Variants in AP3D1 observed in about 807,000 individuals in gnomAD.
AP3D1 encodes the protein AP-3 complex subunit delta-1.
In AP3D1, 51 loss-of-function variants were observed where a neutral mutation model predicts 147.6. The observed-to-expected ratio is 0.35, with a 90% CI of 0.28 to 0.44. The LOEUF (loss-of-function observed/expected upper bound fraction) is 0.44. Ranked by LOEUF, AP3D1 falls within the 20% of genes least tolerant of loss-of-function variation. The pLI is 1.00. For missense variants in AP3D1, 1,421 were observed against 1,624.2 expected (o/e 0.87, Z 2.15); for synonymous variants, 760 against 663.0 (o/e 1.15, Z -2.25).
At position 2,132,424 on chromosome 19, in the gene AP3D1, T is replaced by C. The variant is rs759265283; in HGVS notation, c.462+47A>G. On this transcript the variant is annotated intron_variant, in intron 5 of 31. Transcript: ENST00000643116. ...CAGGCATGCCACTTTGACCGAGTTT[T>C]TCCCAGAGCAGACATGCAGGGGTGG... The C allele has an allele frequency of 1.3e-5, 20 of 1,539,488 alleles. No homozygotes were observed. The East Asian group carries it at 3.9e-4, about 30-fold the overall frequency.
At chr19:2,115,667 A>G in intron 18 of AP3D1, 54 bp from the exon 19 acceptor site, 1 of 1,563,448 alleles carries the variant, frequency 6.4e-7, no homozygotes, top group South Asian at 1.1e-5. Context: ...ACACACGTGC[A>G]AGACAAGCCT....
At chr19:2,121,487 G>A (rs1393965533) in intron 12 of AP3D1, among the ~76,000 whole-genome samples, 176 bp from the exon 13 acceptor site, 1 of 152,132 alleles carries the variant, frequency 6.6e-6, no homozygotes, top group East Asian at 1.9e-4. Flanking sequence ...AGAGGCACAC[G>A]ACCCCAGCCA....
Position 2,102,118 on chromosome 19 carries a change from G to A in AP3D1, c.*55C>T. On this transcript the variant is annotated 3_prime_UTR_variant, in exon 32 of 32. Transcript: ENST00000643116. ...CTGAGGAGAGGCGAGACACGTCAGG[G>A]CTGCGGTCCCTGGGTACGTGCTCCG... The A allele has an allele frequency of 7.0e-7, 1 of 1,423,952 alleles. No individual in the cohort carries two copies. Among genetic ancestry groups the A allele is most frequent in the Non-Finnish European group, 9.9e-7 (1 of 1,012,178 alleles). 88.2% of individuals were successfully genotyped at this position (1,423,952 alleles called of 1,614,324 possible). A position where few individuals can be genotyped will look rare whatever the true frequency, so the allele number is the denominator to read the frequency against.
upstream of AP3D1, among the ~76,000 whole-genome samples, chr19:2,155,995 G>A (rs1463725371): frequency 6.6e-6 from 1 of 150,998 alleles, no homozygotes; most frequent in Non-Finnish European, 1.5e-5. Flanking sequence ...GGAGCTTGCA[G>A]TGAGCCACGA....
At chr19:2,130,083 A>G (rs2018894401) in intron 6 of AP3D1, among the ~76,000 whole-genome samples, 1 of 152,186 alleles carries the variant, frequency 6.6e-6, no homozygotes, top group South Asian at 2.1e-4. Context: ...CACGGGACAT[A>G]TGGTCTAGAC....
chr19:2,152,167 G>A (rs1361757751), upstream of AP3D1, among the ~76,000 whole-genome samples: 1 of 152,236 alleles, frequency 6.6e-6, no homozygotes. Context: ...GGCATGGTAA[G>A]GGGTGCTGGG....
chr19:2,153,604 G>C (rs1321183924), upstream of AP3D1, among the ~76,000 whole-genome samples: 1 of 151,944 alleles, frequency 6.6e-6, no homozygotes, highest in Non-Finnish European at 1.5e-5. Flanking sequence ...CCGCCCAGGG[G>C]GCGGAGGTTG....
chr19:2,123,763 C>T, intron 10 of AP3D1, 67 bp downstream of exon 10: 2 of 1,533,760 alleles, frequency 1.3e-6, no homozygotes, highest in Non-Finnish European at 1.8e-6. Flanking sequence ...GGGCAAGCTC[C>T]CGCCTGTGGA....
At chr19:2,114,572 G>A (rs577166991) in intron 21 of AP3D1, among the ~76,000 whole-genome samples, 176 bp downstream of exon 21, 1 of 152,330 alleles carries the variant, frequency 6.6e-6, no homozygotes, top group Non-Finnish European at 1.5e-5. Flanking sequence ...AAGAGTCTTG[G>A]TTGGGAGGGC....
chr19:2,142,175 G>A (rs528604280), intron 1 of AP3D1, among the ~76,000 whole-genome samples: 4 of 151,944 alleles, frequency 2.6e-5, no homozygotes, highest in East Asian at 1.9e-4. Flanking sequence ...GTACTACCAC[G>A]CCTGGCTAAT....
At chr19:2,107,259 CAAA>C (rs112132801) in intron 31 of AP3D1, among the ~76,000 whole-genome samples, 1 of 121,182 alleles carries the variant, frequency 8.3e-6, no homozygotes, top group Admixed American at 8.8e-5. Context: ...GACTCCATCT[CAAA>C]AAAAAAAAAA....
chr19:2,131,667 CGCGGGG>C (rs2018950199), intron 5 of AP3D1, among the ~76,000 whole-genome samples: 1 of 86,614 alleles, frequency 1.2e-5, no homozygotes, highest in African/African-American at 3.8e-5. Context: ...CAGGCAGCCA[CGCGGGG>C]ACTGCGCCCA....
At position 2,115,529 on chromosome 19, in the gene AP3D1, G is replaced by C; in HGVS notation, c.2149+9C>G. 6.2e-7 allele frequency: 1 copy of C among 1,612,886 alleles called. No homozygotes were observed. The highest frequency in any genetic ancestry group is 8.5e-7 in the Non-Finnish European group (1 of 1,179,636). ...ACAAATGCGGCGCCGACACACCGGAGACACTTGCCTGGAACCTTCAAGGGG... is the reference window on the plus strand; with the variant it reads ...ACAAATGCGGCGCCGACACACCGGACACACTTGCCTGGAACCTTCAAGGGG... On this transcript the variant is annotated intron_variant, in intron 19 of 31. Coordinates refer to ENST00000643116, the MANE Select transcript of AP3D1 (RefSeq NM_001261826.3).
chr19:2,139,512 AG>A (rs1180561533), intron 1 of AP3D1, among the ~76,000 whole-genome samples: 5 of 152,188 alleles, frequency 3.3e-5, no homozygotes, highest in African/African-American at 1.2e-4. Flanking sequence ...ATGGCAGACA[AG>A]GTTCCCAAGG....
chr19:2,109,258 T>C (rs1466745426), intron 29 of AP3D1, 51 bp from the exon 30 acceptor site: 2 of 1,518,576 alleles, frequency 1.3e-6, no homozygotes, highest in Non-Finnish European at 1.8e-6. Flanking sequence ...CTCCTCAGGC[T>C]TCCTGGCACA....
At position 2,102,734 on chromosome 19, in the gene AP3D1, A is replaced by C. The variant is rs1163754903; in HGVS notation, c.3553-466T>G. ...CACAGCGAGACTGTCTCAAAAAATAAATAAATAAATAAATAAATAAATAAA... is the reference window on the plus strand; with the variant it reads ...CACAGCGAGACTGTCTCAAAAAATACATAAATAAATAAATAAATAAATAAA... On this transcript the variant is annotated intron_variant, in intron 31 of 31. Coordinates refer to ENST00000643116, the MANE Select transcript of AP3D1 (RefSeq NM_001261826.3). 2.3e-4 allele frequency among the ~76,000 whole-genome samples: 4 copies of C among 17,540 alleles called. 1 individual carries two copies. The highest frequency in any genetic ancestry group is 6.3e-4 in the African/African-American group (4 of 6,354). The allele number at this position is 17,540 out of a possible 152,430, so 11.5% of individuals were successfully genotyped here.
intron 29 of AP3D1, chr19:2,109,604 C>T: frequency 1.9e-6 from 1 of 521,946 alleles, no homozygotes; most frequent in Non-Finnish European, 3.5e-6. Flanking sequence ...GCCTGCCCTG[C>T]TGGCTCCTTG....
chr19:2,121,331 C>A lies in AP3D1; in HGVS notation c.1102-20G>T, dbSNP rs1418065246. 6.2e-7 allele frequency: 1 copy of A among 1,613,562 alleles called. No homozygotes were observed. The highest frequency in any genetic ancestry group is 1.1e-5 in the South Asian group (1 of 91,046). On this transcript the variant is annotated intron_variant, in intron 12 of 31. Transcript: ENST00000643116. ...GGACACCTGGGCAAAAGTGTACAGA[C>A]AGTGGTGAGAGCGGACCCAGCCTGG...
intron 9 of AP3D1, 59 bp downstream of exon 9, chr19:2,127,093 C>A: frequency 2.5e-6 from 4 of 1,587,658 alleles, no homozygotes; most frequent in Non-Finnish European, 3.5e-6. Flanking sequence ...CCTGTCCCCA[C>A]CTGAGACCCC....
Sources: gnomAD v4.1 joint callset for allele counts (sites outside exome capture counted in the v4.1 genomes callset) on GRCh38, gnomAD v4.1.1 for gene constraint, MANE v1.5 for transcripts, NCBI Gene and HGNC (gene_info 2026-07-23, HGNC 2026-07-21) for gene names.